Variants in IL7 observed in about 807,000 individuals in gnomAD.
The protein encoded by IL7 is interleukin 7, also known as interleukin-7.
IL7 carries 3 observed loss-of-function variants against 21.6 expected under a neutral mutation model. The ratio of observed to expected loss-of-function variants is 0.14; its 90% CI spans 0.06 to 0.36. The LOEUF (loss-of-function observed/expected upper bound fraction) is 0.36, where lower values mean the gene tolerates loss of function less well. IL7 is among the 10% of genes least tolerant of loss of function. IL7 has a pLI of 1.00. For missense variants in IL7, 175 were observed against 200.2 expected (o/e 0.87, Z 0.76); for synonymous variants, 62 against 68.1 (o/e 0.91, Z 0.44).
intron 2 of IL7, among the ~76,000 whole-genome samples, chr8:78,780,823 C>G (rs1813303644): frequency 6.6e-6 from 1 of 152,164 alleles, no homozygotes; most frequent in Admixed American, 6.5e-5. Context: ...CTAATATTGA[C>G]AGTGCAGTGT....
intron 3 of IL7, among the ~76,000 whole-genome samples, chr8:78,699,173 A>G (rs1232581030): frequency 6.6e-6 from 1 of 152,150 alleles, no homozygotes; most frequent in Non-Finnish European, 1.5e-5. Flanking sequence ...GTAGTATGAT[A>G]GAAGCAGTGG....
chr8:78,743,814 C>A (rs1811882105), intron 2 of IL7, among the ~76,000 whole-genome samples: 1 of 151,998 alleles, frequency 6.6e-6, no homozygotes, highest in African/African-American at 2.4e-5. Flanking sequence ...TTCCCCCTGG[C>A]ACAATTTGGC....
chr8:78,708,776 A>T (rs11783024), intron 3 of IL7, among the ~76,000 whole-genome samples: 1 of 151,078 alleles, frequency 6.6e-6, no homozygotes, highest in Non-Finnish European at 1.5e-5. Context: ...CGCCTCCTGG[A>T]TTCAAGTGAT....
intron 1 of IL7, among the ~76,000 whole-genome samples, chr8:78,804,611 G>T (rs1379443102): frequency 2.6e-5 from 4 of 152,208 alleles, no homozygotes; most frequent in Admixed American, 2.6e-4. Context: ...ACCGGCTGTG[G>T]GCTGCCACCG....
rs1586025057 is a variant in IL7 at position 78,707,548 on chromosome 8, A to C, written n.214+13800T>G. 5.9e-5 allele frequency among the ~76,000 whole-genome samples: 9 copies of C among 152,338 alleles called. No individual in the cohort carries two copies. The South Asian group carries it at 1.4e-3, about 25-fold the overall frequency. On this transcript the variant is annotated intron_variant and non_coding_transcript_variant, in intron 3 of 4. Coordinates refer to the IL7 transcript ENST00000523959. The stretch of plus-strand genomic sequence containing the variant: ...TAATGGAAAATATGCTTTTGCTAAC[A>C]AGCAGAGATTTTGAGTACAATAATT...
chr8:78,692,399 G>T (rs1269669104), intron 3 of IL7, among the ~76,000 whole-genome samples: 3 of 152,058 alleles, frequency 2.0e-5, no homozygotes, highest in Admixed American at 6.6e-5. Context: ...GCCACCTGTG[G>T]TCATTTGCAG....
At chr8:78,789,689 G>A (rs1218087956) in intron 2 of IL7, among the ~76,000 whole-genome samples, 1 of 152,134 alleles carries the variant, frequency 6.6e-6, no homozygotes, top group South Asian at 2.1e-4. Context: ...AGTGGTCCCG[G>A]TGAGATCTGA....
At position 78,733,647 on chromosome 8, in the gene IL7, AT is replaced by A. The variant is rs1044938782; in HGVS notation, c.*65del. Reference sequence around the variant, plus strand: ...GAAGCATTCCACTCTGAAAAACTGCATAAGCAGATAGATTCTTGGAGGATGC... The same window carrying A: ...GAAGCATTCCACTCTGAAAAACTGCAAAGCAGATAGATTCTTGGAGGATGC... On this transcript the variant is annotated 3_prime_UTR_variant, in exon 6 of 6. Coordinates refer to ENST00000263851, the MANE Select transcript of IL7 (RefSeq NM_000880.4). 3.2e-6 allele frequency: 5 copies of A among 1,541,190 alleles called. No individual in the cohort carries two copies. The African/African-American group carries it at 7.0e-5, about 22-fold the overall frequency.
intron 2 of IL7, among the ~76,000 whole-genome samples, chr8:78,751,126 TCTAAGAACTGTGGGACAACTACAAAA>T (rs1004077316): frequency 1.4e-4 from 21 of 146,286 alleles, no homozygotes; most frequent in Non-Finnish European, 2.2e-4. Flanking sequence ...GAACAGAATA[TCTAAGAACTGTGGGACAACTACAAAA>T]GGAGTAGCAT....
chr8:78,733,905 A>G, intron 5 of IL7, 73 bp from the exon 6 acceptor site: 1 of 1,037,932 alleles, frequency 9.6e-7, no homozygotes, highest in Non-Finnish European at 1.3e-6. Flanking sequence ...ACTATTTTTC[A>G]TCATATTACT....
intron 3 of IL7, among the ~76,000 whole-genome samples, chr8:78,697,067 A>C (rs561584368): frequency 2.0e-4 from 31 of 152,286 alleles, no homozygotes; most frequent in Non-Finnish European, 4.3e-4. Flanking sequence ...GAGGTGATAT[A>C]TTTTAATCTA....
At chr8:78,737,246 A>G (rs1014044306) in intron 4 of IL7, among the ~76,000 whole-genome samples, 7 of 152,116 alleles carry the variant, frequency 4.6e-5, no homozygotes, top group African/African-American at 1.7e-4. Flanking sequence ...CACTCTTTTC[A>G]GTTGAACCAA....
rs60056547 is a variant in IL7 at position 78,686,431 on chromosome 8, GTTTATTTA to G, written n.215-492_215-485del. On this transcript the variant is annotated intron_variant and non_coding_transcript_variant, in intron 3 of 4. Coordinates refer to the IL7 transcript ENST00000523959. ...TCAATATACTAAAAAGATACTGTTT[GTTTATTTA>G]TTTATTTATTTATTTATTTATTTAT... 1,916 of 1,144,278 alleles carry G rather than the reference GTTTATTTA, an allele frequency of 1.7e-3. 3 individuals are homozygous for G. The highest frequency in any genetic ancestry group is 5.5e-3 in the South Asian group (217 of 39,670). The allele number at this position is 1,144,278 out of a possible 1,614,324, so 70.9% of individuals were successfully genotyped here. A position where few individuals can be genotyped will look rare whatever the true frequency, so the allele number is the denominator to read the frequency against.
chr8:78,762,915 T>C (rs1338525192), intron 2 of IL7, among the ~76,000 whole-genome samples: 2 of 152,230 alleles, frequency 1.3e-5, no homozygotes, highest in African/African-American at 2.4e-5. Context: ...GCTTCTTTCA[T>C]AGAGAAAGAC....
chr8:78,723,504 G>A (rs1811285256), intron 3 of IL7, among the ~76,000 whole-genome samples: 2 of 151,978 alleles, frequency 1.3e-5, no homozygotes, highest in Admixed American at 1.3e-4. Flanking sequence ...GCCACTGGTA[G>A]CACTTTGGCA....
At chr8:78,711,410 G>A (rs928336297) in intron 3 of IL7, among the ~76,000 whole-genome samples, 1 of 151,886 alleles carries the variant, frequency 6.6e-6, no homozygotes, top group Non-Finnish European at 1.5e-5. Flanking sequence ...ATTATTATAT[G>A]TGATTTTTAG....
intron 4 of IL7, among the ~76,000 whole-genome samples, chr8:78,684,009 C>T (rs1233989226): frequency 6.6e-6 from 1 of 152,186 alleles, no homozygotes; most frequent in Admixed American, 6.5e-5. Flanking sequence ...GTCCATATCA[C>T]TATTAGCATT....
chr8:78,765,386 G>A (rs1261673872), intron 2 of IL7, among the ~76,000 whole-genome samples: 1 of 151,998 alleles, frequency 6.6e-6, no homozygotes, highest in Non-Finnish European at 1.5e-5. Flanking sequence ...TCAGGAGAAT[G>A]AGATTACAAG....
At chr8:78,713,370 C>T (rs1811006360), downstream of IL7, among the ~76,000 whole-genome samples, 1 of 151,618 alleles carries the variant, frequency 6.6e-6, no homozygotes, top group Non-Finnish European at 1.5e-5. Flanking sequence ...TTTGAACAAC[C>T]TCAAGTTACC....
Sources: gnomAD v4.1 joint callset for allele counts (sites outside exome capture counted in the v4.1 genomes callset) on GRCh38, gnomAD v4.1.1 for gene constraint, MANE v1.5 for transcripts, NCBI Gene and HGNC (gene_info 2026-07-23, HGNC 2026-07-21) for gene names.